TMEM117: variants seen among roughly 807,000 people sequenced by gnomAD.
TMEM117 encodes transmembrane protein 117.
A neutral mutation model predicts 52.4 loss-of-function variants in TMEM117; 27 were observed. The ratio of observed to expected loss-of-function variants is 0.51; its 90% CI spans 0.38 to 0.71. The LOEUF (loss-of-function observed/expected upper bound fraction) is 0.71. Ranked by LOEUF, TMEM117 falls within the 30% of genes least tolerant of loss-of-function variation. The pLI, the probability that TMEM117 is intolerant of heterozygous loss-of-function variation, is 0.00. For synonymous variants in TMEM117, 215 were observed against 206.3 expected, an observed-to-expected ratio of 1.04 and a Z score of -0.36; for missense variants, 556 against 630.5, an observed-to-expected ratio of 0.88 and a Z score of 1.26.
chr12:43,978,152 G>T (rs1267901379), intron 3 of TMEM117, among the ~76,000 whole-genome samples: 1 of 152,126 alleles, frequency 6.6e-6, no homozygotes, highest in Non-Finnish European at 1.5e-5. Context: ...TGATGTGATT[G>T]GGTGGCTTGG....
intron 4 of TMEM117, among the ~76,000 whole-genome samples, chr12:44,176,374 A>C (rs193274564): frequency 6.6e-6 from 1 of 152,316 alleles, no homozygotes; most frequent in African/African-American, 2.4e-5. Context: ...ATCTCTGTTA[A>C]TATGAAGTAT....
chr12:44,392,001 C>A (rs1281430129), downstream of TMEM117, among the ~76,000 whole-genome samples: 1 of 152,124 alleles, frequency 6.6e-6, no homozygotes, highest in Non-Finnish European at 1.5e-5. Flanking sequence ...TCAATTAATT[C>A]TGCAGCAGAT....
At chr12:43,893,832 A>G (rs972436949) in intron 2 of TMEM117, among the ~76,000 whole-genome samples, 1 of 152,170 alleles carries the variant, frequency 6.6e-6, no homozygotes, top group African/African-American at 2.4e-5. Context: ...TACATGAAGG[A>G]CTCGGGTGCG....
chr12:44,144,441 G>A (rs1314274434), intron 4 of TMEM117, among the ~76,000 whole-genome samples: 1 of 152,206 alleles, frequency 6.6e-6, no homozygotes, highest in South Asian at 2.1e-4. Context: ...TTGAAAATGA[G>A]GAGATATACC....
At chr12:44,379,631 C>A (rs894206362) in intron 7 of TMEM117, among the ~76,000 whole-genome samples, 3 of 152,104 alleles carry the variant, frequency 2.0e-5, no homozygotes, top group Admixed American at 6.5e-5. Flanking sequence ...CTGTGAAGGG[C>A]TTTTTACTTT....
intron 3 of TMEM117, among the ~76,000 whole-genome samples, chr12:44,025,491 A>C (rs749408973): frequency 8.5e-5 from 13 of 152,214 alleles, no homozygotes; most frequent in Non-Finnish European, 1.9e-4. Flanking sequence ...GTGTTAAATT[A>C]ACCCTATTTA....
In TMEM117 at chr12:44,266,330, G is replaced by C. The variant is rs1950376951; in HGVS notation, c.609-33250G>C. Among the ~76,000 whole-genome samples the C allele has an allele frequency of 2.6e-5, 4 of 152,076 alleles. 1 individual carries two copies. The highest frequency in any genetic ancestry group is 2.6e-4 in the Admixed American group (4 of 15,250). On this transcript the variant is annotated intron_variant, in intron 5 of 7. Coordinates refer to ENST00000266534, the MANE Select transcript of TMEM117 (RefSeq NM_032256.3). Reference sequence around the variant, plus strand: ...CACGTTTATTGTAACCATCCTAGTGGATGTGAACTGCTATCTCATTTTGAT... The same window carrying C: ...CACGTTTATTGTAACCATCCTAGTGCATGTGAACTGCTATCTCATTTTGAT...
At chr12:44,023,643 A>G (rs1370451513) in intron 3 of TMEM117, among the ~76,000 whole-genome samples, 1 of 151,872 alleles carries the variant, frequency 6.6e-6, no homozygotes, top group Non-Finnish European at 1.5e-5. Context: ...GTGTCTGTTC[A>G]TATCCTTTGC....
At chr12:44,189,705 C>A (rs1229833027) in intron 4 of TMEM117, among the ~76,000 whole-genome samples, 1 of 152,126 alleles carries the variant, frequency 6.6e-6, no homozygotes, top group Non-Finnish European at 1.5e-5. Context: ...GTGAAGCAAG[C>A]AATATATTGC....
At chr12:44,350,889 G>A in intron 6 of TMEM117, among the ~76,000 whole-genome samples, 1 of 152,116 alleles carries the variant, frequency 6.6e-6, no homozygotes, top group Admixed American at 6.6e-5. Flanking sequence ...CCAGCAGTGG[G>A]ATTCCTGGAT....
chr12:44,152,397 ATATT>A (rs544411067), intron 4 of TMEM117, among the ~76,000 whole-genome samples: 2,505 of 113,172 alleles, frequency 0.022, 54 homozygotes, highest in African/African-American at 0.063. Flanking sequence ...TTTATATATA[ATATT>A]TATATCATAT....
chr12:44,281,322 A>G (rs1271123792), intron 5 of TMEM117, among the ~76,000 whole-genome samples: 4 of 152,002 alleles, frequency 2.6e-5, no homozygotes, highest in Non-Finnish European at 5.9e-5. Context: ...CCATTATGTC[A>G]TGCGGCCCTT....
At chr12:44,289,041 A>G (rs1170395692) in intron 5 of TMEM117, among the ~76,000 whole-genome samples, 1 of 152,164 alleles carries the variant, frequency 6.6e-6, no homozygotes, top group Non-Finnish European at 1.5e-5. Context: ...AATCCCTGAT[A>G]TCTGTTCTTC....
At chr12:43,888,432 A>T (rs1944038141) in intron 2 of TMEM117, among the ~76,000 whole-genome samples, 1 of 152,110 alleles carries the variant, frequency 6.6e-6, no homozygotes, top group African/African-American at 2.4e-5. Flanking sequence ...AGTGCGAATG[A>T]ATTGCTTATG....
chr12:44,340,107 G>A (rs561403811), intron 6 of TMEM117, among the ~76,000 whole-genome samples: 2 of 152,110 alleles, frequency 1.3e-5, no homozygotes, highest in South Asian at 2.1e-4. Flanking sequence ...TAAAATGAAG[G>A]TGGTATTTTA....
intron 2 of TMEM117, among the ~76,000 whole-genome samples, chr12:43,890,029 T>TGA (rs1371876579): frequency 1.3e-5 from 2 of 152,080 alleles, no homozygotes; most frequent in African/African-American, 4.8e-5. Context: ...TTTATACAGT[T>TGA]GAGAGTTGAG....
At chr12:43,842,171 TA>T (rs1162619612) in intron 1 of TMEM117, among the ~76,000 whole-genome samples, 4 of 151,790 alleles carry the variant, frequency 2.6e-5, no homozygotes, top group Admixed American at 1.3e-4. Flanking sequence ...TGAAAACACA[TA>T]AAAGTTCATT....
At chr12:44,042,041 G>A (rs1031880274) in intron 3 of TMEM117, among the ~76,000 whole-genome samples, 2 of 152,068 alleles carry the variant, frequency 1.3e-5, no homozygotes, top group Admixed American at 6.6e-5. Flanking sequence ...ACATTGAAAG[G>A]GATTAAGTCA....
chr12:44,035,602 C>A (rs1946698430), intron 3 of TMEM117, among the ~76,000 whole-genome samples: 1 of 152,206 alleles, frequency 6.6e-6, no homozygotes, highest in South Asian at 2.1e-4. Flanking sequence ...AACGTTGAAT[C>A]TTTCTATTCA....
Sources: gnomAD v4.1 joint callset for allele counts (sites outside exome capture counted in the v4.1 genomes callset) on GRCh38, gnomAD v4.1.1 for gene constraint, MANE v1.5 for transcripts, NCBI Gene and HGNC (gene_info 2026-07-23, HGNC 2026-07-21) for gene names.